Variants in SLC4A4 observed in about 807,000 individuals in gnomAD.
SLC4A4 encodes the protein electrogenic sodium bicarbonate cotransporter 1.
A neutral mutation model predicts 111.5 loss-of-function variants in SLC4A4; 27 were observed. The observed-to-expected ratio is 0.24, with a 90% CI of 0.18 to 0.33. SLC4A4 has a LOEUF of 0.33. Ranked by LOEUF, SLC4A4 falls within the 10% of genes least tolerant of loss-of-function variation. The probability of loss-of-function intolerance (pLI) is 1.00; values close to 1 mark genes in which losing one functional copy is unlikely to be tolerated. For synonymous variants in SLC4A4, 443 were observed against 463.4 expected, an observed-to-expected ratio of 0.96 and a Z score of 0.57; for missense variants, 909 against 1,315.5, an observed-to-expected ratio of 0.69 and a Z score of 4.78.
chr4:71,453,533 C>T lies in SLC4A4; in HGVS notation c.1361C>T (p.Ala454Val), dbSNP rs138493429. 1.4e-4 allele frequency: 223 copies of T among 1,613,934 alleles called. No individual in the cohort carries two copies. Among genetic ancestry groups the T allele is most frequent in the African/African-American group, 9.2e-4 (69 of 75,020 alleles). The change falls in exon 12 of 26, where the codon GCG becomes GTG. Residue 454 changes from alanine (A) to valine (V), a missense_variant. Around this residue, in one of 7 missense-constraint regions of SLC4A4, gnomAD observed 312 missense variants for 402.0 expected, o/e 0.78. Transcript: ENST00000264485. ...CTAATTAAAGACATAAAGAGGAAAG[C>T]GCCATTTTTTGCCAGTGATTTTTAT... ...GGLIKDIKRK[A>V]PFFASDFYDA...
chr4:71,530,825 T>A (rs558717945), intron 16 of SLC4A4, among the ~76,000 whole-genome samples: 1 of 152,228 alleles, frequency 6.6e-6, no homozygotes, highest in East Asian at 1.9e-4. Context: ...TTTCAAGAAA[T>A]CCTTTGTCTT....
intron 2 of SLC4A4, among the ~76,000 whole-genome samples, chr4:71,145,017 T>C (rs1357286040): frequency 6.6e-6 from 1 of 152,160 alleles, no homozygotes; most frequent in Admixed American, 6.5e-5. Context: ...GGCATCCGTG[T>C]CTTGTGCCAG....
rs1421444655 is a variant in SLC4A4 at position 71,167,538 on chromosome 4, A to G, written c.-1-69038A>G. ...TAGGGAGACCCTCTTTGGGAAATAT[A>G]ATCTGTGACATTGGCCAAAGAAAAA... On this transcript the variant is annotated intron_variant, in intron 2 of 26. Coordinates refer to the SLC4A4 transcript ENST00000649996. Among the ~76,000 whole-genome samples the G allele has an allele frequency of 4.6e-5, 7 of 152,290 alleles. No homozygotes were observed. The East Asian group carries it at 1.3e-3, about 29-fold the overall frequency.
intron 1 of SLC4A4, among the ~76,000 whole-genome samples, chr4:71,188,421 C>T (rs1461657987): frequency 2.0e-5 from 3 of 152,166 alleles, no homozygotes; most frequent in South Asian, 2.1e-4. Context: ...CTTTGGCTTA[C>T]CCTCCCCATT....
At chr4:71,524,522 T>G (rs1733246387) in intron 16 of SLC4A4, among the ~76,000 whole-genome samples, 1 of 152,158 alleles carries the variant, frequency 6.6e-6, no homozygotes, top group African/African-American at 2.4e-5. Flanking sequence ...TCTCTTTGAC[T>G]TAGAACTTAT....
intron 2 of SLC4A4, among the ~76,000 whole-genome samples, chr4:71,099,472 A>G (rs1742653351): frequency 1.3e-5 from 2 of 152,152 alleles, no homozygotes; most frequent in Admixed American, 1.3e-4. Flanking sequence ...AGCACTAAAT[A>G]TCCATATCTC....
intron 6 of SLC4A4, among the ~76,000 whole-genome samples, chr4:71,367,741 G>T (rs957799359): frequency 6.6e-6 from 1 of 152,158 alleles, no homozygotes; most frequent in East Asian, 1.9e-4. Context: ...CCTCAAACAG[G>T]TGCTGGCACA....
At chr4:71,113,403 G>T (rs1326224994) in intron 2 of SLC4A4, among the ~76,000 whole-genome samples, 4 of 152,178 alleles carry the variant, frequency 2.6e-5, no homozygotes, top group African/African-American at 9.6e-5. Flanking sequence ...GTCACTTATG[G>T]TATAGCAGAA....
At chr4:71,515,293 A>T (rs1383175605) in intron 16 of SLC4A4, among the ~76,000 whole-genome samples, 1 of 152,038 alleles carries the variant, frequency 6.6e-6, no homozygotes, top group Non-Finnish European at 1.5e-5. Flanking sequence ...CGAAGTTTAT[A>T]TTTGTATTTA....
intron 2 of SLC4A4, among the ~76,000 whole-genome samples, chr4:71,168,968 A>T (rs1744862047): frequency 6.6e-6 from 1 of 152,020 alleles, no homozygotes; most frequent in Non-Finnish European, 1.5e-5. Context: ...GGGGGTATAT[A>T]CCTAGGAGTG....
At chr4:71,397,478 A>G (rs1719929305) in intron 6 of SLC4A4, 99 bp from the exon 7 acceptor site, 1 of 1,061,386 alleles carries the variant, frequency 9.4e-7, no homozygotes, top group Non-Finnish European at 1.5e-6. Flanking sequence ...TATCATCACC[A>G]TTTCCATCAT....
At chr4:71,474,205 A>G (rs149608702) in intron 14 of SLC4A4, among the ~76,000 whole-genome samples, 175 of 151,894 alleles carry the variant, frequency 1.2e-3, no homozygotes, top group African/African-American at 4.1e-3. Flanking sequence ...TTACGCAATT[A>G]GATACAGGTC....
chr4:71,168,495 A>G (rs1404346867), intron 2 of SLC4A4, among the ~76,000 whole-genome samples: 3 of 151,980 alleles, frequency 2.0e-5, no homozygotes, highest in Admixed American at 2.0e-4. Flanking sequence ...TTTTAAATGT[A>G]CAATTAAATT....
intron 1 of SLC4A4, among the ~76,000 whole-genome samples, chr4:71,091,982 G>A (rs1742404648): frequency 6.6e-6 from 1 of 152,116 alleles, no homozygotes. Flanking sequence ...AGCCAAGAGT[G>A]GCATGCAGTA....
chr4:71,491,210 GC>G, intron 15 of SLC4A4, among the ~76,000 whole-genome samples: 1 of 151,886 alleles, frequency 6.6e-6, no homozygotes, highest in Non-Finnish European at 1.5e-5. Flanking sequence ...TCAGATTACT[GC>G]AAATCTGGCT....
intron 16 of SLC4A4, among the ~76,000 whole-genome samples, chr4:71,499,087 C>G (rs1359573726): frequency 6.7e-6 from 1 of 149,876 alleles, no homozygotes; most frequent in African/African-American, 2.4e-5. Context: ...TTTTTTTTCT[C>G]TTGAGGTTTT....
intron 7 of SLC4A4, among the ~76,000 whole-genome samples, chr4:71,429,859 C>G (rs1016848812): frequency 1.3e-5 from 2 of 152,140 alleles, no homozygotes; most frequent in East Asian, 1.9e-4. Context: ...GATATGAAAG[C>G]CGTATATTCT....
intron 21 of SLC4A4, among the ~76,000 whole-genome samples, chr4:71,556,280 G>C (rs1308008546): frequency 6.6e-6 from 1 of 151,918 alleles, no homozygotes; most frequent in Non-Finnish European, 1.5e-5. Flanking sequence ...AGATGAATGT[G>C]AGTTTATTTG....
At chr4:71,082,439 C>T (rs1271260192) in intron 1 of SLC4A4, among the ~76,000 whole-genome samples, 1 of 152,002 alleles carries the variant, frequency 6.6e-6, no homozygotes, top group East Asian at 1.9e-4. Flanking sequence ...CCTTGCCTGC[C>T]TGCTAGAACA....
Sources: gnomAD v4.1 joint callset for allele counts (sites outside exome capture counted in the v4.1 genomes callset) on GRCh38, gnomAD v4.1.1 for gene constraint, gnomAD v4.1.1 regional missense constraint, MANE v1.5 for transcripts, NCBI Gene and HGNC (gene_info 2026-07-23, HGNC 2026-07-21) for gene names.